The following POPDC3 variants were observed in gnomAD, a reference collection of about 807,000 sequenced individuals.
POPDC3 encodes popeye domain-containing protein 3.
A neutral mutation model predicts 28.2 loss-of-function variants in POPDC3; 20 were observed. The ratio of observed to expected loss-of-function variants is 0.71; its 90% CI spans 0.50 to 1.03. The LOEUF is 1.03. Among genes scored for constraint, POPDC3 ranks in the 50% least tolerant of loss-of-function variants. The probability of loss-of-function intolerance (pLI) is 0.00; values close to 1 mark genes in which losing one functional copy is unlikely to be tolerated. For missense variants in POPDC3, 316 were observed against 345.9 expected, an observed-to-expected ratio of 0.91 and a Z score of 0.69; for synonymous variants, 118 against 124.1, an observed-to-expected ratio of 0.95 and a Z score of 0.33.
intron 1 of POPDC3, among the ~76,000 whole-genome samples, chr6:105,172,220 G>A (rs1168045063): frequency 6.6e-6 from 1 of 151,216 alleles, no homozygotes; most frequent in Non-Finnish European, 1.5e-5. Context: ...ACAAGTGGGC[G>A]AAGGAGATGA....
chr6:105,176,457 T>C (rs1204236650), intron 1 of POPDC3, among the ~76,000 whole-genome samples: 1 of 152,242 alleles, frequency 6.6e-6, no homozygotes, highest in African/African-American at 2.4e-5. Context: ...AGTTAGTTTT[T>C]CACACAGGGA....
At chr6:105,171,617 G>C (rs1040690660) in intron 1 of POPDC3, among the ~76,000 whole-genome samples, 28 of 151,886 alleles carry the variant, frequency 1.8e-4, no homozygotes, top group Non-Finnish European at 2.6e-4. Context: ...GTTGCAGAGA[G>C]CTGTGATCAC....
At chr6:105,176,661 A>G (rs540062768) in intron 1 of POPDC3, among the ~76,000 whole-genome samples, 103 of 152,198 alleles carry the variant, frequency 6.8e-4, no homozygotes, top group African/African-American at 2.4e-3. Context: ...GGTCCAAACA[A>G]TTCTCCTGCC....
chr6:105,161,245 T>G (rs1774319926), intron 2 of POPDC3, among the ~76,000 whole-genome samples, 180 bp downstream of exon 2: 1 of 152,174 alleles, frequency 6.6e-6, no homozygotes, highest in Non-Finnish European at 1.5e-5. Context: ...CTGCTTCAAG[T>G]AAATAATGCC....
chr6:105,175,845 AAAAT>A (rs1029223118), intron 1 of POPDC3, among the ~76,000 whole-genome samples: 8 of 150,278 alleles, frequency 5.3e-5, no homozygotes, highest in African/African-American at 1.3e-4. Context: ...TCTGTCTCAA[AAAAT>A]AAATAAAGAA....
At chr6:105,171,710 C>T (rs942722694) in intron 1 of POPDC3, among the ~76,000 whole-genome samples, 1 of 151,446 alleles carries the variant, frequency 6.6e-6, no homozygotes, top group African/African-American at 2.4e-5. Flanking sequence ...AATTAAAAAC[C>T]TGTCCTCATG....
At chr6:105,162,638 A>G (rs1774363816) in intron 1 of POPDC3, among the ~76,000 whole-genome samples, 1 of 152,214 alleles carries the variant, frequency 6.6e-6, no homozygotes, top group African/African-American at 2.4e-5. Context: ...ATGCTGAGGC[A>G]CAAGAATCAC....
intron 1 of POPDC3, chr6:105,169,996 G>A (rs1462735951): frequency 1.3e-5 from 2 of 152,132 alleles, no homozygotes; most frequent in Non-Finnish European, 2.9e-5. Context: ...TAATTTAAAT[G>A]TCTTCTTAAG....
intron 1 of POPDC3, among the ~76,000 whole-genome samples, chr6:105,163,172 CAA>C (rs910385518): frequency 1.3e-5 from 2 of 152,114 alleles, no homozygotes; most frequent in African/African-American, 4.8e-5. Flanking sequence ...ATTTGAGAAA[CAA>C]ATGTACTACT....
At chr6:105,161,365 G>A (rs1774322348) in intron 2 of POPDC3, 60 bp downstream of exon 2, 3 of 1,547,518 alleles carry the variant, frequency 1.9e-6, no homozygotes, top group Non-Finnish European at 2.6e-6. Flanking sequence ...AAAATATAGT[G>A]GAAAGAAACA....
chr6:105,163,836 T>C (rs1418132729), intron 1 of POPDC3: 1 of 152,224 alleles, frequency 6.6e-6, no homozygotes, highest in Admixed American at 6.5e-5. Flanking sequence ...ATTGTTGTTT[T>C]TGCTTGTTTT....
At chr6:105,179,336 C>T in intron 1 of POPDC3, 1 of 861,606 alleles carries the variant, frequency 1.2e-6, no homozygotes, top group Non-Finnish European at 1.4e-6. Context: ...TGCTTACAGA[C>T]CGGGGGCGGG....
chr6:105,168,877 A>G (rs1774516117), intron 1 of POPDC3: 1 of 152,232 alleles, frequency 6.6e-6, no homozygotes, highest in Non-Finnish European at 1.5e-5. Flanking sequence ...ATGAGCTTAA[A>G]GAAGATAACT....
In POPDC3 at chr6:105,158,849, CT is replaced by C. The variant is rs150943886; in HGVS notation, c.595-99del. Reference sequence around the variant, plus strand: ...TTGTTAAATTAATTTCACGTGCTGCCTTTTTTTTAGGTTGAAAAAGCCCACT... The same window carrying C: ...TTGTTAAATTAATTTCACGTGCTGCCTTTTTTTAGGTTGAAAAAGCCCACT... On this transcript the variant is annotated intron_variant, in intron 3 of 3. Transcript: ENST00000254765. 3,583 of 1,132,142 alleles carry C rather than the reference CT, an allele frequency of 3.2e-3. 60 individuals carry two copies. In the African/African-American group the frequency reaches 0.04, roughly 13 times the overall value. 70.1% of individuals were successfully genotyped at this position (1,132,142 alleles called of 1,614,324 possible). A position where few individuals can be genotyped will look rare whatever the true frequency, so the allele number is the denominator to read the frequency against.
chr6:105,170,265 G>A (rs1479035438), intron 1 of POPDC3, among the ~76,000 whole-genome samples: 3 of 152,148 alleles, frequency 2.0e-5, no homozygotes, highest in Non-Finnish European at 4.4e-5. Flanking sequence ...CATGCAGTAA[G>A]TTTACTGAAG....
Position 105,158,461 on chromosome 6 carries a change from A to C in POPDC3, c.*9T>G. 1 of 1,588,332 alleles carries C rather than the reference A, an allele frequency of 6.3e-7. No individual in the cohort carries two copies. The highest frequency in any genetic ancestry group is 8.6e-7 in the Non-Finnish European group (1 of 1,165,840). On this transcript the variant is annotated 3_prime_UTR_variant, in exon 4 of 4. Transcript: ENST00000254765. ...CTTTTTTTATACTTATAAATTTCAG[A>C]CTTTGATGTCATTTATCACAGTATC...
chr6:105,179,073 C>A, intron 1 of POPDC3: 1 of 985,428 alleles, frequency 1.0e-6, no homozygotes, highest in Non-Finnish European at 1.2e-6. Context: ...TGTCTTCTGG[C>A]TAAATTTTTG....
chr6:105,173,464 T>C (rs1302448106), intron 1 of POPDC3, among the ~76,000 whole-genome samples: 1 of 152,152 alleles, frequency 6.6e-6, no homozygotes, highest in Non-Finnish European at 1.5e-5. Context: ...TAAGTAATAA[T>C]AACCAGCATC....
In POPDC3 at chr6:105,171,195, A is replaced by C. The variant is rs982600835; in HGVS notation, c.-252+8638T>G. Among the ~76,000 whole-genome samples, 3 of 152,186 alleles carry C rather than the reference A, an allele frequency of 2.0e-5. No homozygotes were observed. In the East Asian group the frequency reaches 5.8e-4, roughly 29 times the overall value. Reference sequence around the variant, plus strand: ...CAGCTAGTTGCAATTTAATGAATTCACCCATTGTTTTTTCTGGGTAAAACA... The same window carrying C: ...CAGCTAGTTGCAATTTAATGAATTCCCCCATTGTTTTTTCTGGGTAAAACA... On this transcript the variant is annotated intron_variant, in intron 1 of 3. Coordinates refer to ENST00000254765, the MANE Select transcript of POPDC3 (RefSeq NM_022361.5).
Sources: allele counts gnomAD v4.1 joint callset (sites outside exome capture counted in the v4.1 genomes callset), GRCh38; gene constraint gnomAD v4.1.1; transcripts MANE v1.5; gene names NCBI Gene and HGNC (gene_info 2026-07-23, HGNC 2026-07-21).